The following KCNMA1 variants were observed in gnomAD, a reference collection of about 807,000 sequenced individuals.
The protein encoded by KCNMA1 is Calcium-activated potassium channel subunit alpha-1.
KCNMA1 carries 29 observed loss-of-function variants against 140.0 expected under a neutral mutation model. The ratio of observed to expected loss-of-function variants is 0.21; its 90% confidence interval spans 0.15 to 0.28. The LOEUF (loss-of-function observed/expected upper bound fraction) is 0.28, where lower values mean the gene tolerates loss of function less well. Ranked by LOEUF, KCNMA1 falls within the 10% of genes least tolerant of loss-of-function variation. KCNMA1 has a pLI of 1.00. For missense variants in KCNMA1, 880 were observed against 1,602.2 expected, an observed-to-expected ratio of 0.55 and a Z score of 7.70; for synonymous variants, 612 against 611.9, an observed-to-expected ratio of 1.00 and a Z score of 0.00.
At chr10:77,182,620 C>A (rs891510475) in intron 5 of KCNMA1, among the ~76,000 whole-genome samples, 2 of 152,084 alleles carry the variant, frequency 1.3e-5, no homozygotes, top group African/African-American at 4.8e-5. Context: ...ATAATTAAGC[C>A]AAAAATCCTA....
intron 3 of KCNMA1, among the ~76,000 whole-genome samples, chr10:77,222,829 C>A (rs1175138143): frequency 6.6e-6 from 1 of 152,218 alleles, no homozygotes; most frequent in African/African-American, 2.4e-5. Flanking sequence ...AAGCTGATTG[C>A]CATTCTCTAC....
intron 5 of KCNMA1, among the ~76,000 whole-genome samples, chr10:77,138,052 G>A (rs1026340527): frequency 6.6e-6 from 1 of 152,112 alleles, no homozygotes; most frequent in Non-Finnish European, 1.5e-5. Flanking sequence ...TTCAGACTGG[G>A]ATTGTCGCCC....
intron 22 of KCNMA1, among the ~76,000 whole-genome samples, chr10:76,946,272 G>A (rs571226323): frequency 1.4e-3 from 206 of 152,226 alleles, no homozygotes; most frequent in African/African-American, 4.7e-3. Flanking sequence ...CATCATTTTG[G>A]GGCTCCTGTC....
At chr10:77,430,954 A>G (rs1451565553) in intron 1 of KCNMA1, among the ~76,000 whole-genome samples, 6 of 152,032 alleles carry the variant, frequency 3.9e-5, no homozygotes, top group Non-Finnish European at 8.8e-5. Context: ...AGCCTCCCCA[A>G]TCCTCTCTGT....
intron 1 of KCNMA1, among the ~76,000 whole-genome samples, chr10:77,503,924 G>A (rs1394801190): frequency 1.3e-5 from 2 of 152,154 alleles, no homozygotes; most frequent in Non-Finnish European, 2.9e-5. Flanking sequence ...TTTCTGTTTA[G>A]TAAGTCAGGC....
chr10:77,048,611 T>C (rs1411520422), intron 14 of KCNMA1, among the ~76,000 whole-genome samples: 1 of 152,222 alleles, frequency 6.6e-6, no homozygotes, highest in Non-Finnish European at 1.5e-5. Flanking sequence ...AGCTCAATAA[T>C]AGTTTCTGAA....
intron 1 of KCNMA1, among the ~76,000 whole-genome samples, chr10:77,542,031 T>C (rs1421092495): frequency 1.3e-5 from 2 of 152,314 alleles, no homozygotes; most frequent in East Asian, 1.9e-4. Flanking sequence ...CAAAAATTTA[T>C]ATGTAGCAAT....
chr10:77,565,013 TCAGGCAGACGGTGAGAAGGGAAGCCA>T (rs1171608697), intron 1 of KCNMA1, among the ~76,000 whole-genome samples: 4 of 152,038 alleles, frequency 2.6e-5, no homozygotes, highest in African/African-American at 9.6e-5. Flanking sequence ...GGGCAATGAG[TCAGGCAGACGGTGAGAAGGGAAGCCA>T]CTGCCTCTCG....
Position 77,295,729 on chromosome 10 carries a change from C to T in KCNMA1, c.541-44473G>A, listed in dbSNP as rs573514993. On this transcript the variant is annotated intron_variant, in intron 2 of 27. Coordinates refer to ENST00000286628, the MANE Select transcript of KCNMA1 (RefSeq NM_001161352.2). ...CCGGGAGGCGGAGCTTGCAGTGAGC[C>T]GAGATTGCGCCACTGCAGTCCACAG... 5.3e-5 allele frequency among the ~76,000 whole-genome samples: 7 copies of T among 132,408 alleles called. No homozygotes were observed. In the East Asian group the frequency reaches 1.5e-3, roughly 29 times the overall value. 86.9% of individuals were successfully genotyped at this position (132,408 alleles called of 152,430 possible).
At position 77,516,903 on chromosome 10, in the gene KCNMA1, G is replaced by A. The variant is rs117369647; in HGVS notation, c.379-112880C>T. Among the ~76,000 whole-genome samples the A allele has an allele frequency of 2.5e-3, 376 of 152,136 alleles. 6 individuals are homozygous for A. The East Asian group carries it at 0.042, about 17-fold the overall frequency. ...CATGTGTGAGCAGCTGCAGGTGTGT[G>A]AGCAAATGTGCATCACTGGGGAACA... is the stretch of plus-strand genomic sequence containing the variant. On this transcript the variant is annotated intron_variant, in intron 1 of 27. Coordinates refer to ENST00000286628, the MANE Select transcript of KCNMA1 (RefSeq NM_001161352.2).
At position 77,000,021 on chromosome 10, in the gene KCNMA1, C is replaced by T. The variant is rs867705828; in HGVS notation, c.2266+1386G>A. Among the ~76,000 whole-genome samples the T allele has an allele frequency of 1.2e-4, 18 of 152,180 alleles. 1 individual carries two copies. The highest frequency in any genetic ancestry group is 7.3e-5 in the Non-Finnish European group (5 of 68,028). ...CTACACAGCCGCACTCTGCTGGGAC[C>T]AGCCTCAACACCAGCACAGGGGAGT... On this transcript the variant is annotated intron_variant, in intron 19 of 27. Transcript: ENST00000286628.
chr10:77,251,860 C>T (rs957709558), intron 2 of KCNMA1, among the ~76,000 whole-genome samples: 30 of 152,182 alleles, frequency 2.0e-4, no homozygotes, highest in Admixed American at 1.6e-3. Context: ...CCAGACCACA[C>T]TAATCTACTT....
chr10:77,612,188 T>G (rs1025492020), intron 1 of KCNMA1, among the ~76,000 whole-genome samples: 8 of 152,108 alleles, frequency 5.3e-5, no homozygotes, highest in African/African-American at 1.9e-4. Flanking sequence ...CCAAAGATAA[T>G]GTGCACATTT....
At chr10:77,387,833 G>A (rs1566492914) in intron 2 of KCNMA1, among the ~76,000 whole-genome samples, 1 of 152,122 alleles carries the variant, frequency 6.6e-6, no homozygotes, top group Non-Finnish European at 1.5e-5. Flanking sequence ...GGCCAGGCTG[G>A]TCTTAAACTC....
In KCNMA1 at chr10:76,885,641, T is replaced by A; in HGVS notation, c.*1625A>T. ...TTACCCCTATTCTATTCGATGGAAT[T>A]CTTTGAAGTAAAACTTTTCAAATAT... On this transcript the variant is annotated 3_prime_UTR_variant, in exon 28 of 28. Transcript: ENST00000286628. 3.0e-6 allele frequency: 3 copies of A among 985,268 alleles called. No individual in the cohort carries two copies. The highest frequency in any genetic ancestry group is 3.6e-6 in the Non-Finnish European group (3 of 829,802). The allele number at this position is 985,268 out of a possible 1,614,324, so 61.0% of individuals were successfully genotyped here. A position where few individuals can be genotyped will look rare whatever the true frequency, so the allele number is the denominator to read the frequency against.
At chr10:77,117,553 A>AG (rs1326022681) in intron 6 of KCNMA1, among the ~76,000 whole-genome samples, 60 of 150,472 alleles carry the variant, frequency 4.0e-4, no homozygotes, top group East Asian at 7.8e-4. Context: ...AAAAAAAAAA[A>AG]AAAAAAAAAA....
At chr10:76,889,744 A>T in intron 26 of KCNMA1, 175 bp from the exon 27 acceptor site, 1 of 665,104 alleles carries the variant, frequency 1.5e-6, no homozygotes, top group South Asian at 1.7e-5. Context: ...GACTACACCC[A>T]ATATGTGTGA....
intron 5 of KCNMA1, among the ~76,000 whole-genome samples, chr10:77,141,055 T>C (rs1247442760): frequency 6.6e-6 from 1 of 151,182 alleles, no homozygotes; most frequent in Non-Finnish European, 1.5e-5. Context: ...AAAGAAAAAC[T>C]GAATTGTCCT....
At chr10:77,015,716 A>G (rs1356272956) in intron 17 of KCNMA1, among the ~76,000 whole-genome samples, 1 of 152,028 alleles carries the variant, frequency 6.6e-6, no homozygotes, top group East Asian at 1.9e-4. Flanking sequence ...CATCTTGGTT[A>G]AGATCAACAC....
Sources: allele counts gnomAD v4.1 joint callset (sites outside exome capture counted in the v4.1 genomes callset), GRCh38; gene constraint gnomAD v4.1.1; transcripts MANE v1.5; gene names NCBI Gene and HGNC (gene_info 2026-07-23, HGNC 2026-07-21).